Variants in PCNT observed in about 807,000 individuals in gnomAD.
PCNT encodes the protein pericentrin, also known as kendrin.
PCNT carries 319 observed loss-of-function variants against 380.4 expected under a neutral mutation model. That is an observed-to-expected ratio of 0.84 (90% CI 0.77 to 0.92). The LOEUF is 0.92. PCNT is among the 40% of genes least tolerant of loss of function. The pLI, the probability that PCNT is intolerant of heterozygous loss-of-function variation, is 0.00. For synonymous variants in PCNT, 1,845 were observed against 1,735.2 expected (o/e 1.06, Z -1.57); for missense variants, 4,400 against 4,255.3 (o/e 1.03, Z -0.95).
Position 46,355,678 on chromosome 21 carries a change from C to T in PCNT, c.1936+52C>T, listed in dbSNP as rs373652324. 2.9e-4 allele frequency: 456 copies of T among 1,590,212 alleles called. 5 individuals carry two copies. In the South Asian group the frequency reaches 3.1e-3, roughly 11 times the overall value. On this transcript the variant is annotated intron_variant, in intron 12 of 46. Coordinates refer to ENST00000359568, the MANE Select transcript of PCNT (RefSeq NM_006031.6). ...GTCGGCAGGTCCCGGGTCTGGGGGA[C>T]GTTCTCGGGGAGCCTGGGTGCCTGG...
At position 46,333,975 on chromosome 21, in the gene PCNT, G is replaced by A. The variant is rs572949834; in HGVS notation, c.268-422G>A. On this transcript the variant is annotated intron_variant, in intron 2 of 46. Transcript: ENST00000359568. Reference sequence around the variant, plus strand: ...TAATCCCAGCACTTTGGGAGGCCAAGGCGGGCGGATCACGAGGTCAGGAGA... The same window carrying A: ...TAATCCCAGCACTTTGGGAGGCCAAAGCGGGCGGATCACGAGGTCAGGAGA... Among the ~76,000 whole-genome samples, 24 of 152,306 alleles carry A rather than the reference G, an allele frequency of 1.6e-4. No homozygotes were observed. The Middle Eastern group carries it at 0.01, about 65-fold the overall frequency.
intron 40 of PCNT, 108 bp downstream of exon 40, chr21:46,437,189 G>T (rs182369322): frequency 4.0e-6 from 3 of 741,664 alleles, no homozygotes; most frequent in Non-Finnish European, 6.9e-6. Context: ...TTCCTCCCTC[G>T]CTGCCTTCTC....
At chr21:46,439,920 GC>G (rs2053562523) in intron 41 of PCNT, among the ~76,000 whole-genome samples, 162 bp from the exon 42 acceptor site, 1 of 152,192 alleles carries the variant, frequency 6.6e-6, no homozygotes, top group African/African-American at 2.4e-5. Flanking sequence ...CGTAACCTAG[GC>G]CCTGCTGAGG....
At position 46,418,228 on chromosome 21, in the gene PCNT, A is replaced by T; in HGVS notation, c.6946A>T (p.Thr2316Ser). Residue 2316 changes from threonine to serine, a missense_variant, in exon 31 of 47, where the codon ACA becomes TCA. By Grantham distance (58) the Thr-to-Ser change is moderately conservative. Transcript: ENST00000359568. ...AVEKDVEDFI[T>S]TSFDSQETLS... ...GGAGAAAGATGTCGAAGATTTTATC[A>T]CAACATCCTTTGATTCTCAAGAAAC... The T allele has an allele frequency of 1.2e-6, 2 of 1,605,276 alleles. No individual in the cohort carries two copies. Among genetic ancestry groups the T allele is most frequent in the Non-Finnish European group, 1.7e-6 (2 of 1,172,092 alleles).
In PCNT at chr21:46,331,199, C is replaced by T. The variant is rs550931001; in HGVS notation, c.268-3198C>T. On this transcript the variant is annotated intron_variant, in intron 2 of 46. Transcript: ENST00000359568. Reference sequence around the variant, plus strand: ...TTGGAGACAGGTCCTCCCTCTGGCGCCCAGGCTGGAGTGCAGTGGCCCAAT... The same window carrying T: ...TTGGAGACAGGTCCTCCCTCTGGCGTCCAGGCTGGAGTGCAGTGGCCCAAT... Among the ~76,000 whole-genome samples the T allele has an allele frequency of 2.0e-5, 3 of 152,196 alleles. No homozygotes were observed. The East Asian group carries it at 5.8e-4, about 29-fold the overall frequency.
chr21:46,388,908 C>T lies in PCNT; in HGVS notation c.3607+24C>T. 2 of 1,577,162 alleles carry T rather than the reference C, an allele frequency of 1.3e-6. No individual in the cohort carries two copies. Among genetic ancestry groups the T allele is most frequent in the South Asian group, 1.1e-5 (1 of 88,528 alleles). On this transcript the variant is annotated intron_variant, in intron 18 of 46. Transcript: ENST00000359568. This position sits in a 1 kb window ranked among gnomAD's most constrained non-coding sequence, Gnocchi z 4.2. The stretch of plus-strand genomic sequence containing the variant: ...AGGTGAGTGTGCCGGGACCAGCTGC[C>T]CAGCCCTGTGCTTGCAGCCCCTCTG...
chr21:46,354,922 C>T (rs927755167), intron 11 of PCNT, among the ~76,000 whole-genome samples: 37 of 152,318 alleles, frequency 2.4e-4, no homozygotes, highest in African/African-American at 7.2e-4. Flanking sequence ...GACCTTCCCA[C>T]GAGCAGGCCT....
intron 15 of PCNT, among the ~76,000 whole-genome samples, 157 bp from the exon 16 acceptor site, chr21:46,381,537 T>C (rs559471542): frequency 1.3e-5 from 2 of 152,310 alleles, no homozygotes; most frequent in South Asian, 2.1e-4. Context: ...CTTGAACCCA[T>C]GTTTTCTTTG....
Position 46,435,923 on chromosome 21 carries a change from G to A in PCNT, c.8771G>A (p.Arg2924His), listed in dbSNP as rs139830890. Reference sequence around the variant, plus strand: ...CAACAGCGAGAATTAGAACTGCAGCGTCAGCGTGACTTGCATAAGATCAAG... The same window carrying A: ...CAACAGCGAGAATTAGAACTGCAGCATCAGCGTGACTTGCATAAGATCAAG... The part of the protein sequence containing the change: ...KEKLRELELQ[R>H]QRDLHKIKQL... The change falls in exon 39 of 47, where the codon CGT becomes CAT. Residue 2924 changes from arginine to histidine, a missense_variant. Coordinates refer to ENST00000359568, the MANE Select transcript of PCNT (RefSeq NM_006031.6). 3.0e-5 allele frequency: 49 copies of A among 1,614,082 alleles called. 1 individual carries two copies. In the Admixed American group the frequency reaches 4.0e-4, roughly 13 times the overall value.
intron 28 of PCNT, among the ~76,000 whole-genome samples, 180 bp from the exon 29 acceptor site, chr21:46,412,657 C>T (rs2086826521): frequency 1.3e-5 from 2 of 152,218 alleles, no homozygotes; most frequent in Admixed American, 1.3e-4. Flanking sequence ...TCTGCTGGGT[C>T]CTCAGCCCCG....
chr21:46,383,872 G>T (rs150720703), intron 16 of PCNT, among the ~76,000 whole-genome samples: 1 of 139,784 alleles, frequency 7.2e-6, no homozygotes, highest in Admixed American at 7.1e-5. Flanking sequence ...TGACGGAAGC[G>T]CATTCACGGT....
intron 21 of PCNT, among the ~76,000 whole-genome samples, chr21:46,394,107 C>T (rs899944274): frequency 6.6e-6 from 1 of 152,224 alleles, no homozygotes; most frequent in Non-Finnish European, 1.5e-5. Context: ...TTTCCTTTCA[C>T]CCTGGCTCTG....
chr21:46,381,439 T>G (rs543789155), intron 15 of PCNT, among the ~76,000 whole-genome samples: 2 of 152,156 alleles, frequency 1.3e-5, no homozygotes, highest in African/African-American at 2.4e-5. Context: ...GAGCAGTTGC[T>G]TATGACACGC....
chr21:46,324,715 C>T (rs1304486366), intron 1 of PCNT: 1 of 227,258 alleles, frequency 4.4e-6, no homozygotes, highest in Non-Finnish European at 7.3e-6. Context: ...CTCCCGCGTC[C>T]TCCGGGACCG....
chr21:46,373,749 T>TTTTG (rs374962143), intron 15 of PCNT, among the ~76,000 whole-genome samples: 104 of 81,226 alleles, frequency 1.3e-3, no homozygotes, highest in Non-Finnish European at 1.7e-3. Context: ...TTTTTTTTTT[T>TTTTG]GGGCGGAGTC....
chr21:46,350,498 C>A (rs1486364652), intron 8 of PCNT, among the ~76,000 whole-genome samples: 3 of 152,168 alleles, frequency 2.0e-5, no homozygotes, highest in Admixed American at 6.5e-5. Context: ...GTGGCCAGGT[C>A]CTCATTGGAG....
chr21:46,431,412 G>A, intron 37 of PCNT, 117 bp from the exon 38 acceptor site: 1 of 1,572,938 alleles, frequency 6.4e-7, no homozygotes, highest in Non-Finnish European at 8.6e-7. Context: ...CTAATAGGGT[G>A]CATTTCAAAA....
rs369876466 is a variant in PCNT, at chr21:46,391,385, C to T, written c.4216+9C>T. The T allele has an allele frequency of 1.6e-4, 243 of 1,544,940 alleles. No homozygotes were observed. Among genetic ancestry groups the T allele is most frequent in the Non-Finnish European group, 1.9e-4 (215 of 1,143,318 alleles). Reference sequence around the variant, plus strand: ...CGAGGCCAGAGAAGCTGGTAAGGAGCGCGGGCTGTGGAGGGTGGTGCGAGC... The same window carrying T: ...CGAGGCCAGAGAAGCTGGTAAGGAGTGCGGGCTGTGGAGGGTGGTGCGAGC... On this transcript the variant is annotated intron_variant, in intron 21 of 46. Transcript: ENST00000359568.
chr21:46,428,222 C>T (rs775534657), intron 34 of PCNT, among the ~76,000 whole-genome samples, 173 bp from the exon 35 acceptor site: 30 of 152,200 alleles, frequency 2.0e-4, no homozygotes, highest in Admixed American at 6.5e-4. Context: ...GGTAGTGCAG[C>T]CCAGCCCTGA....
Sources: allele counts gnomAD v4.1 joint callset (sites outside exome capture counted in the v4.1 genomes callset), GRCh38; gene constraint gnomAD v4.1.1; non-coding constraint Gnocchi (gnomAD v3.1); transcripts MANE v1.5; gene names NCBI Gene and HGNC (gene_info 2026-07-23, HGNC 2026-07-21).